Variants in RANBP2 observed in about 807,000 individuals in gnomAD.
RANBP2 encodes RAN binding protein 2.
RANBP2 carries 57 observed loss-of-function variants against 303.6 expected under a neutral mutation model. The ratio of observed to expected loss-of-function variants is 0.19; its 90% CI spans 0.15 to 0.23. RANBP2 has a LOEUF of 0.23. RANBP2 is among the 10% of genes least tolerant of loss of function. RANBP2 has a pLI of 1.00. For synonymous variants in RANBP2, 1,167 were observed against 1,301.5 expected (o/e 0.90, Z 2.23); for missense variants, 3,138 against 3,780.8 (o/e 0.83, Z 4.46).
In RANBP2 at chr2:108,758,379, T is replaced by A. The variant is rs2433789; in HGVS notation, c.2467-34T>A. ...GTTTCTGTCATGATATAATTAAATG[T>A]TTAAAATTATTTGATTTTTTTTTCT... On this transcript the variant is annotated intron_variant, in intron 17 of 28. Coordinates refer to ENST00000283195, the MANE Select transcript of RANBP2 (RefSeq NM_006267.5). 752 of 1,611,642 alleles carry A rather than the reference T, an allele frequency of 4.7e-4. 1 individual carries two copies. The highest frequency in any genetic ancestry group is 3.6e-3 in the East Asian group (161 of 44,876).
At chr2:109,553,170 G>A in the RANBP2 span, 1 of 1,614,008 alleles carries the variant, frequency 6.2e-7, no homozygotes, top group African/African-American at 1.3e-5. Context: ...TCCTTCCTCT[G>A]ACGTTCACCA....
chr2:109,185,966 CCTGGCCTTGG>C, the RANBP2 span, among the ~76,000 whole-genome samples: 5 of 152,178 alleles, frequency 3.3e-5, no homozygotes, highest in Non-Finnish European at 7.3e-5. Flanking sequence ...CCAGCAGAGG[CCTGGCCTTGG>C]CTGTCACGAG....
the RANBP2 span, among the ~76,000 whole-genome samples, chr2:109,424,806 C>A: frequency 6.6e-6 from 1 of 152,138 alleles, no homozygotes; most frequent in African/African-American, 2.4e-5. Flanking sequence ...CCCTTAGACA[C>A]AACAATACTG....
At chr2:108,921,821 C>A in the RANBP2 span, among the ~76,000 whole-genome samples, 2 of 152,230 alleles carry the variant, frequency 1.3e-5, no homozygotes, top group Admixed American at 6.5e-5. Flanking sequence ...ATGGGCAAGC[C>A]GAGGTCTGGG....
At chr2:109,523,531 A>G in the RANBP2 span, among the ~76,000 whole-genome samples, 1 of 151,896 alleles carries the variant, frequency 6.6e-6, no homozygotes, top group Non-Finnish European at 1.5e-5. Context: ...GATTGATCTT[A>G]TGTGTAGAAT....
chr2:109,486,197 A>G, the RANBP2 span, among the ~76,000 whole-genome samples: 1 of 151,990 alleles, frequency 6.6e-6, no homozygotes, highest in Non-Finnish European at 1.5e-5. Flanking sequence ...TTGCATGACG[A>G]CCATTGGCTT....
At chr2:109,765,762 C>T in the RANBP2 span, among the ~76,000 whole-genome samples, 4 of 150,932 alleles carry the variant, frequency 2.7e-5, no homozygotes, top group African/African-American at 9.8e-5. Context: ...GTTTAGTCTC[C>T]CTAAGGATGC....
chr2:109,461,725 A>G, the RANBP2 span, among the ~76,000 whole-genome samples: 2 of 152,322 alleles, frequency 1.3e-5, no homozygotes, highest in African/African-American at 4.8e-5. Flanking sequence ...TGTCTGCCAC[A>G]ATAGTGCCTC....
chr2:108,999,552 A>T, the RANBP2 span, among the ~76,000 whole-genome samples: 2 of 152,160 alleles, frequency 1.3e-5, no homozygotes, highest in Non-Finnish European at 2.9e-5. Flanking sequence ...TGCTAAACGG[A>T]CTTTTAAATC....
At chr2:108,770,512 T>G (rs1251218715) in intron 20 of RANBP2, among the ~76,000 whole-genome samples, 1 of 152,202 alleles carries the variant, frequency 6.6e-6, no homozygotes, top group Non-Finnish European at 1.5e-5. Flanking sequence ...TCCCAGTTAC[T>G]TGGGAGGCTG....
chr2:109,303,376 C>CT, the RANBP2 span, among the ~76,000 whole-genome samples: 1,280 of 152,372 alleles, frequency 8.4e-3, 14 homozygotes, highest in East Asian at 0.044. Context: ...GCACTCCCCA[C>CT]TTTGGGGGCC....
chr2:109,489,747 TG>T, the RANBP2 span, among the ~76,000 whole-genome samples: 3 of 84,932 alleles, frequency 3.5e-5, no homozygotes, highest in African/African-American at 1.4e-4. Flanking sequence ...TGGCGGGGGG[TG>T]GGCGGGGGGG....
the RANBP2 span, chr2:108,910,441 G>C: frequency 6.2e-7 from 1 of 1,607,086 alleles, no homozygotes; most frequent in African/African-American, 1.3e-5. Flanking sequence ...TCAGCTTGGT[G>C]CTGGGGGCTT....
intron 4 of RANBP2, 84 bp from the exon 5 acceptor site, chr2:108,735,448 T>G: frequency 6.3e-7 from 1 of 1,596,742 alleles, no homozygotes; most frequent in South Asian, 1.1e-5. Flanking sequence ...CTAGACATAG[T>G]GGAATGGTGC....
the RANBP2 span, chr2:109,760,381 C>CG: frequency 8.5e-6 from 2 of 233,922 alleles, no homozygotes; most frequent in Admixed American, 5.0e-4. Flanking sequence ...GGGGCGGGGC[C>CG]GGGGGCCAGG....
chr2:108,751,810 G>A, intron 11 of RANBP2, 61 bp from the exon 12 acceptor site: 3 of 1,611,906 alleles, frequency 1.9e-6, no homozygotes, highest in Non-Finnish European at 2.5e-6. Context: ...TAACATATAT[G>A]TATGTAAGCC....
At chr2:109,518,468 G>C in the RANBP2 span, among the ~76,000 whole-genome samples, 1 of 152,202 alleles carries the variant, frequency 6.6e-6, no homozygotes, top group Non-Finnish European at 1.5e-5. Context: ...AGTGTCTGCA[G>C]ACCCCAGAGC....
At chr2:109,070,737 A>G in the RANBP2 span, among the ~76,000 whole-genome samples, 100 of 152,012 alleles carry the variant, frequency 6.6e-4, no homozygotes, top group Admixed American at 1.9e-3. Flanking sequence ...TGCGCTGCCT[A>G]TAGTCCCAGC....
the RANBP2 span, among the ~76,000 whole-genome samples, chr2:109,557,400 AC>A: frequency 1.3e-5 from 2 of 152,188 alleles, no homozygotes; most frequent in Non-Finnish European, 2.9e-5. Flanking sequence ...ACCCTGAAGA[AC>A]AAGCCCTGAC....
Sources: gnomAD v4.1 joint callset for allele counts (sites outside exome capture counted in the v4.1 genomes callset) on GRCh38, gnomAD v4.1.1 for gene constraint, MANE v1.5 for transcripts, NCBI Gene and HGNC (gene_info 2026-07-23, HGNC 2026-07-21) for gene names.